Variants in SOCS6 observed in about 807,000 individuals in gnomAD.
The protein encoded by SOCS6 is STAT induced STAT inhibitor-4.
In SOCS6, 5 loss-of-function variants were observed where a neutral mutation model predicts 27.7. The ratio of observed to expected loss-of-function variants is 0.18; its 90% CI spans 0.09 to 0.38. The LOEUF (loss-of-function observed/expected upper bound fraction) is 0.38, where lower values mean the gene tolerates loss of function less well. SOCS6 is among the 10% of genes least tolerant of loss of function. SOCS6 has a pLI of 1.00. For synonymous variants in SOCS6, 271 were observed against 260.0 expected (o/e 1.04, Z -0.41); for missense variants, 595 against 688.1 (o/e 0.86, Z 1.51).
chr18:70,300,933 G>T (rs1365149641), intron 1 of SOCS6, among the ~76,000 whole-genome samples: 1 of 152,096 alleles, frequency 6.6e-6, no homozygotes. Flanking sequence ...TCAATTAGAG[G>T]TTATTGTGGT....
chr18:70,317,115 C>G (rs902761706), intron 1 of SOCS6, among the ~76,000 whole-genome samples: 1 of 152,014 alleles, frequency 6.6e-6, no homozygotes, highest in African/African-American at 2.4e-5. Context: ...CATGGAAGTT[C>G]TTTAGTGGTG....
chr18:70,309,120 T>A (rs1418911405), intron 1 of SOCS6, among the ~76,000 whole-genome samples: 1 of 152,254 alleles, frequency 6.6e-6, no homozygotes, highest in Non-Finnish European at 1.5e-5. Context: ...TTTGTTGCAG[T>A]GAGAAAGCAG....
In SOCS6 at chr18:70,326,438, A is replaced by G. The variant is rs1264025911; in HGVS notation, c.*162A>G. 5 of 647,364 alleles carry G rather than the reference A, an allele frequency of 7.7e-6. No homozygotes were observed. The highest frequency in any genetic ancestry group is 1.3e-5 in the Non-Finnish European group (5 of 374,832). The allele number at this position is 647,364 out of a possible 1,614,324, so 40.1% of individuals were successfully genotyped here. A position where few individuals can be genotyped will look rare whatever the true frequency, so the allele number is the denominator to read the frequency against. ...GTTTAGGGGTGGGGAAGTGTCAGCAAGGTGTCTTGGGTTTATTTTGGTTCT... is the reference window on the plus strand; with the variant it reads ...GTTTAGGGGTGGGGAAGTGTCAGCAGGGTGTCTTGGGTTTATTTTGGTTCT... On this transcript the variant is annotated 3_prime_UTR_variant, in exon 2 of 2. Coordinates refer to ENST00000397942, the MANE Select transcript of SOCS6 (RefSeq NM_004232.4).
intron 1 of SOCS6, among the ~76,000 whole-genome samples, chr18:70,313,240 G>A (rs111536970): frequency 1.3e-5 from 2 of 151,800 alleles, no homozygotes; most frequent in African/African-American, 4.8e-5. Context: ...TGCTTTGCCC[G>A]TTTGCTTATA....
Position 70,327,446 on chromosome 18 carries a change from A to G in SOCS6, c.*1170A>G, listed in dbSNP as rs925825228. ...TAAAAATTGTGGAAATTGTGGAGCA[A>G]TTTTTCTCACAATGTGAGAAAAATT... On this transcript the variant is annotated 3_prime_UTR_variant, in exon 2 of 2. Coordinates refer to ENST00000397942, the MANE Select transcript of SOCS6 (RefSeq NM_004232.4). The G allele has an allele frequency of 1.2e-5, 2 of 166,652 alleles. No individual in the cohort carries two copies. The highest frequency in any genetic ancestry group is 1.9e-4 in the East Asian group (1 of 5,194). The allele number at this position is 166,652 out of a possible 1,614,324, so 10.3% of individuals were successfully genotyped here. A position where few individuals can be genotyped will look rare whatever the true frequency, so the allele number is the denominator to read the frequency against.
intron 1 of SOCS6, among the ~76,000 whole-genome samples, chr18:70,322,213 GAC>G (rs943503378): frequency 5.3e-5 from 8 of 152,262 alleles, no homozygotes; most frequent in Admixed American, 5.2e-4. Flanking sequence ...TTAGGCACGA[GAC>G]AGATGGTAAT....
intron 1 of SOCS6, among the ~76,000 whole-genome samples, chr18:70,305,583 T>G (rs2062365793): frequency 6.6e-6 from 1 of 152,208 alleles, no homozygotes; most frequent in Non-Finnish European, 1.5e-5. Flanking sequence ...ATTGTATCAA[T>G]TAATATAAAA....
rs1182184421 is a variant in SOCS6 at position 70,329,090 on chromosome 18, A to C, written c.*2814A>C. 6.0e-6 allele frequency: 1 copy of C among 167,102 alleles called. No homozygotes were observed. Among genetic ancestry groups the C allele is most frequent in the Non-Finnish European group, 1.5e-5 (1 of 68,118 alleles). 10.4% of individuals were successfully genotyped at this position (167,102 alleles called of 1,614,324 possible). ...CGAAATATGATGGAGGCCAGAAGCT[A>C]TTTTTAGGCTTACTATAACACTATT... On this transcript the variant is annotated 3_prime_UTR_variant, in exon 2 of 2. Transcript: ENST00000397942.
intron 1 of SOCS6, among the ~76,000 whole-genome samples, chr18:70,292,404 G>T (rs1295433692): frequency 1.3e-5 from 2 of 152,178 alleles, no homozygotes; most frequent in Non-Finnish European, 2.9e-5. Flanking sequence ...GCAGTGGCAC[G>T]GTTAGGACTC....
At chr18:70,295,761 T>A (rs555289099) in intron 1 of SOCS6, among the ~76,000 whole-genome samples, 1 of 152,332 alleles carries the variant, frequency 6.6e-6, no homozygotes, top group Non-Finnish European at 1.5e-5. Context: ...CTGCTCTGAT[T>A]ATAGATTATC....
At position 70,329,736 on chromosome 18, in the gene SOCS6, C is replaced by T. The variant is rs769530738; in HGVS notation, c.*3460C>T. On this transcript the variant is annotated 3_prime_UTR_variant, in exon 2 of 2. Coordinates refer to ENST00000397942, the MANE Select transcript of SOCS6 (RefSeq NM_004232.4). ...AAAAGTGTTGGTACACTAGCAATCA[C>T]AAATATGGTTTCTTTTAATACTTTT... The T allele has an allele frequency of 6.0e-6, 1 of 167,036 alleles. No homozygotes were observed. The highest frequency in any genetic ancestry group is 2.4e-5 in the African/African-American group (1 of 41,448). 10.3% of individuals were successfully genotyped at this position (167,036 alleles called of 1,614,324 possible).
chr18:70,311,210 A>C (rs28548803), intron 1 of SOCS6, among the ~76,000 whole-genome samples: 2,609 of 152,244 alleles, frequency 0.017, 78 homozygotes, highest in African/African-American at 0.059. Context: ...AGAATCTAAG[A>C]TCCTAGAAGG....
intron 1 of SOCS6, among the ~76,000 whole-genome samples, chr18:70,321,498 T>G (rs1910991053): frequency 6.8e-6 from 1 of 146,852 alleles, no homozygotes; most frequent in African/African-American, 2.5e-5. Context: ...TTTTTTTTTT[T>G]TTTTTTTGTA....
At chr18:70,308,520 C>T (rs1046653680) in intron 1 of SOCS6, among the ~76,000 whole-genome samples, 1 of 152,114 alleles carries the variant, frequency 6.6e-6, no homozygotes, top group African/African-American at 2.4e-5. Flanking sequence ...CCACACCTGG[C>T]TATTGAGGCT....
At chr18:70,315,627 G>GT (rs1204726250) in intron 1 of SOCS6, among the ~76,000 whole-genome samples, 1 of 152,072 alleles carries the variant, frequency 6.6e-6, no homozygotes, top group Non-Finnish European at 1.5e-5. Context: ...CTCTTGTAAT[G>GT]TTTAATGCTG....
At position 70,325,010 on chromosome 18, in the gene SOCS6, A is replaced by G. The variant is rs1223243415; in HGVS notation, c.342A>G (p.Lys114=). 6.2e-7 allele frequency: 1 copy of G among 1,614,166 alleles called. No individual in the cohort carries two copies. The highest frequency in any genetic ancestry group is 8.5e-7 in the Non-Finnish European group (1 of 1,180,020). The change falls in exon 2 of 2, where the codon AAA becomes AAG. Residue 114 remains lysine (K), a synonymous_variant. Transcript: ENST00000397942. The surrounding 1 kb of genome is among the most constrained non-coding windows in gnomAD (Gnocchi z 6.3). The stretch of plus-strand genomic sequence containing the variant: ...CCTCCTCAGCACCCATAGTCTTTAA[A>G]GACGTGAGAGCTCAGAGGCCGATAA... ...FSSSSAPIVF[K]DVRAQRPIRS...
intron 1 of SOCS6, among the ~76,000 whole-genome samples, chr18:70,315,201 T>C (rs2062406852): frequency 6.6e-6 from 1 of 152,162 alleles, no homozygotes; most frequent in African/African-American, 2.4e-5. Context: ...CAGTATACTT[T>C]TGACCTCAAC....
Position 70,325,073 on chromosome 18 carries a change from G to C in SOCS6, c.405G>C (p.Ala135=), listed in dbSNP as rs754020528. 7.0e-5 allele frequency: 113 copies of C among 1,613,956 alleles called. No individual in the cohort carries two copies. The highest frequency in any genetic ancestry group is 4.5e-4 in the Admixed American group (27 of 60,000). Residue 135 remains alanine, a synonymous_variant, in exon 2 of 2, where the codon GCG becomes GCC. Coordinates refer to ENST00000397942, the MANE Select transcript of SOCS6 (RefSeq NM_004232.4). The surrounding 1 kb of genome is among the most constrained non-coding windows in gnomAD (Gnocchi z 6.3). ...TSLRSHHYSP[A]PWPLRPTNSE... ...TCCGCAGCCATCACTACAGTCCCGC[G>C]CCGTGGCCTCTGCGGCCCACAAACT...
At chr18:70,304,465 T>G (rs1187490707) in intron 1 of SOCS6, among the ~76,000 whole-genome samples, 2 of 152,232 alleles carry the variant, frequency 1.3e-5, no homozygotes, top group African/African-American at 4.8e-5. Context: ...CATCCCTCCC[T>G]TTGTCATGAT....
Sources: gnomAD v4.1 joint callset for allele counts (sites outside exome capture counted in the v4.1 genomes callset) on GRCh38, gnomAD v4.1.1 for gene constraint, Gnocchi (gnomAD v3.1) non-coding constraint, MANE v1.5 for transcripts, NCBI Gene and HGNC (gene_info 2026-07-23, HGNC 2026-07-21) for gene names.